Variants in ERICH1 observed in about 807,000 individuals in gnomAD.
ERICH1 encodes the protein glutamate rich 1, also known as glutamate-rich protein 1.
A neutral mutation model predicts 39.6 loss-of-function variants in ERICH1; 56 were observed. The ratio of observed to expected loss-of-function variants is 1.41; its 90% CI spans 1.14 to 1.77. The LOEUF is 1.77. Ranked by LOEUF, ERICH1 falls within the 40% of genes most tolerant of loss-of-function variation. The pLI is 0.00. For synonymous variants in ERICH1, 313 were observed against 223.6 expected (o/e 1.40, Z -3.57); for missense variants, 826 against 575.4 (o/e 1.44, Z -4.45).
At position 644,414 on chromosome 8, in the gene ERICH1, G is replaced by A. The variant is rs545345518; in HGVS notation, c.976+24184C>T. 1.7e-3 allele frequency among the ~76,000 whole-genome samples: 26 copies of A among 15,242 alleles called. 11 individuals are homozygous for A. Among genetic ancestry groups the A allele is most frequent in the African/African-American group, 3.0e-3 (26 of 8,800 alleles). The allele number at this position is 15,242 out of a possible 152,430, so 10.0% of individuals were successfully genotyped here. ...AAAGTCAAGGAAGATTCTTTAGTGA[G>A]ATTTTACTATGAAAGAGGAGACTTA... On this transcript the variant is annotated intron_variant, in intron 3 of 3. Transcript: ENST00000522706.
Position 692,351 on chromosome 8 carries a change from C to T in ERICH1, c.304+127G>A, listed in dbSNP as rs891727066. 2.3e-6 allele frequency: 3 copies of T among 1,326,548 alleles called. No homozygotes were observed. In the East Asian group the frequency reaches 7.3e-5, roughly 32 times the overall value. The allele number at this position is 1,326,548 out of a possible 1,614,324, so 82.2% of individuals were successfully genotyped here. A position where few individuals can be genotyped will look rare whatever the true frequency, so the allele number is the denominator to read the frequency against. ...AAGGTACACCATGTGGTTCATTATACAGTGTAACAACATGCTCACCCACCC... is the reference window on the plus strand; with the variant it reads ...AAGGTACACCATGTGGTTCATTATATAGTGTAACAACATGCTCACCCACCC... On this transcript the variant is annotated intron_variant, in intron 3 of 5. Coordinates refer to ENST00000262109, the MANE Select transcript of ERICH1 (RefSeq NM_207332.3).
intron 3 of ERICH1, among the ~76,000 whole-genome samples, chr8:633,838 G>T (rs571377159): frequency 2.6e-5 from 4 of 152,200 alleles, no homozygotes; most frequent in Non-Finnish European, 4.4e-5. Context: ...ACATCCACAC[G>T]CAAAGGAATG....
chr8:686,371 C>T (rs912372570), intron 3 of ERICH1, among the ~76,000 whole-genome samples: 3 of 152,120 alleles, frequency 2.0e-5, no homozygotes, highest in Middle Eastern at 6.8e-3. Context: ...GCTTGGAAAT[C>T]GAGTAACTAT....
intron 3 of ERICH1, among the ~76,000 whole-genome samples, chr8:619,593 T>G (rs1797151659): frequency 6.6e-6 from 1 of 152,142 alleles, no homozygotes; most frequent in South Asian, 2.1e-4. Context: ...ATAAGGAGAT[T>G]AATATAACAA....
At chr8:661,025 A>G (rs1014664709), downstream of ERICH1, among the ~76,000 whole-genome samples, 3 of 152,208 alleles carry the variant, frequency 2.0e-5, no homozygotes, top group Non-Finnish European at 4.4e-5. Flanking sequence ...GCAGTGGACC[A>G]AAGCCCTAAG....
chr8:673,506 C>G lies in ERICH1; in HGVS notation c.846G>C (p.Leu282=). Residue 282 remains leucine (L), a synonymous_variant, in exon 4 of 6, where the codon CTG becomes CTC. Coordinates refer to ENST00000262109, the MANE Select transcript of ERICH1 (RefSeq NM_207332.3). ...EDGVDTIEED[L]TRAGEEDGKD... ...TACCGTCTTCCTCCCCGGCCCGTGT[C>G]AGGTCTTCCTCAATGGTGTCCACAC... The G allele has an allele frequency of 6.2e-7, 1 of 1,612,900 alleles. No individual in the cohort carries two copies. The highest frequency in any genetic ancestry group is 8.5e-7 in the Non-Finnish European group (1 of 1,179,668).
intron 1 of ERICH1, among the ~76,000 whole-genome samples, chr8:726,954 CACATACACATGCACACACGTACACAT>C (rs1818887422): frequency 6.7e-6 from 1 of 148,420 alleles, no homozygotes; most frequent in African/African-American, 2.6e-5. Flanking sequence ...ACCACACAGG[CACATACACATGCACACACGTACACAT>C]ACACATACAC....
chr8:689,117 T>C (rs1585327568), intron 3 of ERICH1, among the ~76,000 whole-genome samples: 1 of 111,146 alleles, frequency 9.0e-6, no homozygotes. Flanking sequence ...TATGATCTTT[T>C]TTTTCTTTTT....
At chr8:694,824 G>A (rs7012226) in intron 2 of ERICH1, among the ~76,000 whole-genome samples, 27,668 of 152,118 alleles carry the variant, frequency 0.18, 3,330 homozygotes, top group East Asian at 0.44. Context: ...GAAGAGACCG[G>A]TTACACTTTA....
At chr8:712,637 C>T (rs1337592909) in intron 2 of ERICH1, among the ~76,000 whole-genome samples, 3 of 152,098 alleles carry the variant, frequency 2.0e-5, no homozygotes, top group African/African-American at 7.2e-5. Flanking sequence ...CTACTGTCTA[C>T]TGTGTTAGCC....
At chr8:635,370 A>C (rs1033495576) in intron 3 of ERICH1, among the ~76,000 whole-genome samples, 6 of 152,212 alleles carry the variant, frequency 3.9e-5, no homozygotes, top group African/African-American at 1.4e-4. Flanking sequence ...CGTTGGGACC[A>C]GCCTGAGCTT....
At chr8:722,997 G>A (rs561572617) in intron 1 of ERICH1, among the ~76,000 whole-genome samples, 1 of 152,348 alleles carries the variant, frequency 6.6e-6, no homozygotes, top group South Asian at 2.1e-4. Flanking sequence ...ATGGTGACAT[G>A]TGAGCTCCAG....
At chr8:698,739 A>G (rs1013286401) in intron 2 of ERICH1, among the ~76,000 whole-genome samples, 1 of 152,052 alleles carries the variant, frequency 6.6e-6, no homozygotes, top group Non-Finnish European at 1.5e-5. Context: ...TGGCCTCCTA[A>G]AGTGCTAGGA....
At chr8:662,467 G>A (rs1157650210), downstream of ERICH1, among the ~76,000 whole-genome samples, 3 of 123,434 alleles carry the variant, frequency 2.4e-5, no homozygotes, top group Non-Finnish European at 4.6e-5. Context: ...TGACCAACAT[G>A]GAGAAACCCT....
intron 3 of ERICH1, among the ~76,000 whole-genome samples, chr8:655,565 C>T (rs917917465): frequency 2.2e-4 from 34 of 152,178 alleles, no homozygotes; most frequent in African/African-American, 7.7e-4. Flanking sequence ...GAGTGGATCA[C>T]GCAGCAACCT....
intron 3 of ERICH1, among the ~76,000 whole-genome samples, chr8:678,230 C>G (rs553275709): frequency 6.6e-6 from 1 of 152,044 alleles, no homozygotes; most frequent in African/African-American, 2.4e-5. Context: ...GTATAGGCTG[C>G]TTTTTTCCTC....
intron 3 of ERICH1, among the ~76,000 whole-genome samples, chr8:650,992 C>CA (rs1563187767): frequency 1.3e-5 from 2 of 152,202 alleles, no homozygotes; most frequent in African/African-American, 4.8e-5. Flanking sequence ...CGAAGCCAGG[C>CA]AGAACACCCC....
intron 3 of ERICH1, among the ~76,000 whole-genome samples, chr8:630,781 G>C (rs1248197512): frequency 7.1e-6 from 1 of 140,924 alleles, no homozygotes; most frequent in Non-Finnish European, 1.5e-5. Flanking sequence ...CACACGGACA[G>C]AGCTGACACA....
chr8:672,393 A>G (rs1043525329), intron 4 of ERICH1, among the ~76,000 whole-genome samples: 1 of 152,238 alleles, frequency 6.6e-6, no homozygotes, highest in Admixed American at 6.5e-5. Flanking sequence ...AAATCAATCT[A>G]TTAAAAATGG....
Sources: allele counts gnomAD v4.1 joint callset (sites outside exome capture counted in the v4.1 genomes callset), GRCh38; gene constraint gnomAD v4.1.1; transcripts MANE v1.5; gene names NCBI Gene and HGNC (gene_info 2026-07-23, HGNC 2026-07-21).